CDH12: variants seen among roughly 807,000 people sequenced by gnomAD.
CDH12 encodes cadherin 12.
CDH12 carries 41 observed loss-of-function variants against 74.1 expected under a neutral mutation model. The observed-to-expected ratio is 0.55, with a 90% confidence interval of 0.43 to 0.72. The LOEUF (loss-of-function observed/expected upper bound fraction) is 0.72. Among genes scored for constraint, CDH12 ranks in the 30% least tolerant of loss-of-function variants. The pLI is 0.00. For missense variants in CDH12, 945 were observed against 977.2 expected, an observed-to-expected ratio of 0.97 and a Z score of 0.44; for synonymous variants, 399 against 355.0, an observed-to-expected ratio of 1.12 and a Z score of -1.39.
chr5:22,100,356 A>G (rs1004337475), intron 4 of CDH12, among the ~76,000 whole-genome samples: 2 of 152,158 alleles, frequency 1.3e-5, no homozygotes, highest in Non-Finnish European at 2.9e-5. Context: ...AATTTTTCAA[A>G]TAGAAAAATA....
chr5:22,111,216 T>C (rs778153560), intron 4 of CDH12, among the ~76,000 whole-genome samples: 141 of 152,292 alleles, frequency 9.3e-4, no homozygotes, highest in Non-Finnish European at 1.6e-3. Flanking sequence ...AATACCACTA[T>C]GGAGGTAACA....
At chr5:22,408,599 C>T (rs2126466584) in intron 2 of CDH12, among the ~76,000 whole-genome samples, 1 of 149,776 alleles carries the variant, frequency 6.7e-6, no homozygotes, top group East Asian at 1.9e-4. Flanking sequence ...ACTATATATA[C>T]ATTATATGTA....
chr5:22,018,369 A>G (rs115837854), intron 5 of CDH12, among the ~76,000 whole-genome samples: 93 of 151,844 alleles, frequency 6.1e-4, no homozygotes, highest in African/African-American at 2.1e-3. Flanking sequence ...AATCTGTAAG[A>G]AAGGTTATGT....
At chr5:22,398,563 G>A (rs1742567307) in intron 3 of CDH12, among the ~76,000 whole-genome samples, 1 of 152,042 alleles carries the variant, frequency 6.6e-6, no homozygotes, top group Non-Finnish European at 1.5e-5. Flanking sequence ...GACCGCCCAA[G>A]CAATAGACAT....
At chr5:21,866,151 A>G (rs912457540) in intron 6 of CDH12, among the ~76,000 whole-genome samples, 1 of 152,174 alleles carries the variant, frequency 6.6e-6, no homozygotes, top group Non-Finnish European at 1.5e-5. Context: ...CTGTGAGTCC[A>G]TTACATCTCT....
At chr5:22,714,802 A>G (rs1426650548) in intron 1 of CDH12, among the ~76,000 whole-genome samples, 1 of 152,222 alleles carries the variant, frequency 6.6e-6, no homozygotes, top group Non-Finnish European at 1.5e-5. Context: ...GCAAAGCAGA[A>G]TGATCTTTTC....
At position 22,087,212 on chromosome 5, in the gene CDH12, A is replaced by C. The variant is rs112906490; in HGVS notation, c.-186-8350T>G. ...AATAATGTATCAGTATTGGTTATTC[A>C]CCTGTAAGAAGTATACTATCCTAAT... On this transcript the variant is annotated intron_variant, in intron 4 of 14. Transcript: ENST00000382254. Among the ~76,000 whole-genome samples, 123 of 152,298 alleles carry C rather than the reference A, an allele frequency of 8.1e-4. 1 individual carries two copies. The highest frequency in any genetic ancestry group is 2.6e-3 in the African/African-American group (107 of 41,576).
chr5:22,618,669 A>G (rs955654129), intron 1 of CDH12, among the ~76,000 whole-genome samples: 9 of 152,120 alleles, frequency 5.9e-5, no homozygotes, highest in Admixed American at 5.2e-4. Context: ...AATTATTCAA[A>G]GGTGTGTTTT....
chr5:22,397,030 C>A (rs1400385175), intron 3 of CDH12, among the ~76,000 whole-genome samples: 2 of 151,932 alleles, frequency 1.3e-5, no homozygotes, highest in African/African-American at 2.4e-5. Flanking sequence ...TGCTGGTAAC[C>A]TCTCAATACT....
chr5:21,756,232 C>A (rs1744389974), intron 13 of CDH12, among the ~76,000 whole-genome samples: 2 of 151,942 alleles, frequency 1.3e-5, no homozygotes. Flanking sequence ...AGAACCTATT[C>A]TTTAAACTAT....
At chr5:22,084,811 G>T (rs112646492) in intron 4 of CDH12, among the ~76,000 whole-genome samples, 1 of 152,110 alleles carries the variant, frequency 6.6e-6, no homozygotes, top group African/African-American at 2.4e-5. Context: ...GTTCTTAAGT[G>T]AAAGGCAAAC....
intron 1 of CDH12, among the ~76,000 whole-genome samples, chr5:22,578,396 GTGT>G (rs1440839156): frequency 1.0e-4 from 15 of 145,094 alleles, no homozygotes; most frequent in African/African-American, 3.3e-4. Context: ...TGGGGGGGGG[GTGT>G]TTTTAGCATA....
intron 3 of CDH12, among the ~76,000 whole-genome samples, chr5:22,382,158 T>C (rs1741784904): frequency 6.9e-6 from 1 of 145,662 alleles, no homozygotes. Flanking sequence ...TTATAATATA[T>C]ACTATTTTAT....
intron 2 of CDH12, among the ~76,000 whole-genome samples, chr5:22,457,162 G>T (rs1196023610): frequency 1.3e-5 from 2 of 151,978 alleles, no homozygotes; most frequent in Non-Finnish European, 2.9e-5. Flanking sequence ...CCCAATAATT[G>T]CCAGGGGAAA....
At chr5:22,417,500 A>C (rs538424061) in intron 2 of CDH12, among the ~76,000 whole-genome samples, 1 of 152,310 alleles carries the variant, frequency 6.6e-6, no homozygotes, top group South Asian at 2.1e-4. Context: ...ATGACGTAGC[A>C]AGAAGGCCCT....
intron 4 of CDH12, among the ~76,000 whole-genome samples, chr5:22,106,810 C>T (rs138795067): frequency 8.5e-5 from 13 of 152,298 alleles, no homozygotes; most frequent in Non-Finnish European, 1.5e-5. Context: ...TTTCTCTTTG[C>T]TATGCCATCC....
At chr5:21,884,795 A>T (rs1204882105) in intron 6 of CDH12, among the ~76,000 whole-genome samples, 1 of 152,220 alleles carries the variant, frequency 6.6e-6, no homozygotes, top group Non-Finnish European at 1.5e-5. Context: ...ATTAGACAAC[A>T]TTCTGTGTTT....
chr5:22,574,589 C>T (rs963793730), intron 1 of CDH12, among the ~76,000 whole-genome samples: 2 of 152,060 alleles, frequency 1.3e-5, no homozygotes, highest in Admixed American at 6.6e-5. Context: ...TATTGATAAA[C>T]TGTATCTTTC....
At chr5:21,925,199 C>T (rs374584582) in intron 6 of CDH12, among the ~76,000 whole-genome samples, 334 of 152,324 alleles carry the variant, frequency 2.2e-3, no homozygotes, top group Non-Finnish European at 3.5e-3. Flanking sequence ...AATCACAATC[C>T]ATTTTTACAG....
Sources: gnomAD v4.1 joint callset for allele counts (sites outside exome capture counted in the v4.1 genomes callset) on GRCh38, gnomAD v4.1.1 for gene constraint, MANE v1.5 for transcripts, NCBI Gene and HGNC (gene_info 2026-07-23, HGNC 2026-07-21) for gene names.